The following ARHGAP28 variants were observed in gnomAD, a reference collection of about 807,000 sequenced individuals.
The protein encoded by ARHGAP28 is rho GTPase-activating protein 28.
A neutral mutation model predicts 90.7 loss-of-function variants in ARHGAP28; 56 were observed. The ratio of observed to expected loss-of-function variants is 0.62; its 90% CI spans 0.50 to 0.77. The LOEUF (loss-of-function observed/expected upper bound fraction) is 0.77. Ranked by LOEUF, ARHGAP28 falls within the 30% of genes least tolerant of loss-of-function variation. The probability of loss-of-function intolerance (pLI) is 0.00; values close to 1 mark genes in which losing one functional copy is unlikely to be tolerated. For synonymous variants in ARHGAP28, 308 were observed against 323.3 expected (o/e 0.95, Z 0.51); for missense variants, 869 against 900.9 (o/e 0.96, Z 0.45).
rs192916059 is a variant in ARHGAP28 at position 6,761,143 on chromosome 18, A to G, written c.122+31200A>G. On this transcript the variant is annotated intron_variant, in intron 1 of 17. Transcript: ENST00000383472. ...TGGGGGTATCAGAAGTAAGGTTAGT[A>G]GCATCTTAGAGATGGGGGTGGGGGT... is the stretch of plus-strand genomic sequence containing the variant. Among the ~76,000 whole-genome samples the G allele has an allele frequency of 2.9e-3, 434 of 151,642 alleles. 2 individuals carry two copies. Among genetic ancestry groups the G allele is most frequent in the African/African-American group, 1.0e-2 (413 of 41,314 alleles).
At chr18:6,911,364 G>A (rs1259266557) in intron 17 of ARHGAP28, among the ~76,000 whole-genome samples, 2 of 151,538 alleles carry the variant, frequency 1.3e-5, no homozygotes, top group African/African-American at 4.9e-5. Context: ...AACCACTGGA[G>A]GACATGTATT....
At chr18:6,896,464 A>T (rs2057305295) in intron 15 of ARHGAP28, 38 bp from the exon 16 acceptor site, 1 of 1,609,470 alleles carries the variant, frequency 6.2e-7, no homozygotes, top group South Asian at 1.1e-5. Flanking sequence ...TATTCATCCT[A>T]GTTTGACAGA....
chr18:6,812,598 A>G (rs897532444), intron 1 of ARHGAP28, among the ~76,000 whole-genome samples: 1 of 149,570 alleles, frequency 6.7e-6, no homozygotes, highest in African/African-American at 2.6e-5. Flanking sequence ...CTCCATCCCC[A>G]TGGCATCAGC....
chr18:6,876,005 C>T, intron 9 of ARHGAP28, 126 bp from the exon 10 acceptor site: 1 of 733,914 alleles, frequency 1.4e-6, no homozygotes, highest in Non-Finnish European at 2.3e-6. Context: ...TTTAACACAG[C>T]ATTCAAGTGC....
At chr18:6,883,388 GCCA>G (rs1567981918) in intron 11 of ARHGAP28, among the ~76,000 whole-genome samples, 2 of 151,940 alleles carry the variant, frequency 1.3e-5, no homozygotes, top group African/African-American at 4.8e-5. Context: ...ACAGGTGTGC[GCCA>G]CCACACCTGT....
chr18:6,753,462 G>A lies in ARHGAP28; in HGVS notation c.122+23519G>A, dbSNP rs549664492. 2.0e-5 allele frequency among the ~76,000 whole-genome samples: 3 copies of A among 152,250 alleles called. 1 individual carries two copies. The South Asian group carries it at 6.2e-4, about 32-fold the overall frequency. ...CTTTGTCTGCTATCTGTGTGTGTGT[G>A]ATTCACAGAGTTAATGCAATCTTAT... On this transcript the variant is annotated intron_variant, in intron 1 of 17. Coordinates refer to ENST00000383472, the MANE Select transcript of ARHGAP28 (RefSeq NM_001366230.1).
rs550499541 is a variant in ARHGAP28 at position 6,731,364 on chromosome 18, G to T, written c.122+1421G>T. On this transcript the variant is annotated intron_variant, in intron 1 of 17. Transcript: ENST00000383472. The stretch of plus-strand genomic sequence containing the variant: ...TGTCCATTTCTTAAACGGTTCTAGT[G>T]TAGCTGTCCTGTCTATAATTCCCAG... 8.7e-4 allele frequency among the ~76,000 whole-genome samples: 133 copies of T among 152,148 alleles called. 1 individual carries two copies. Among genetic ancestry groups the T allele is most frequent in the Non-Finnish European group, 5.1e-4 (35 of 67,996 alleles).
chr18:6,780,775 C>G (rs2056317913), intron 1 of ARHGAP28, among the ~76,000 whole-genome samples: 1 of 151,838 alleles, frequency 6.6e-6, no homozygotes, highest in Admixed American at 6.6e-5. Context: ...GCCTGTAATG[C>G]CAGCTACTCA....
intron 1 of ARHGAP28, chr18:6,789,101 G>C (rs967400019): frequency 6.6e-6 from 1 of 152,198 alleles, no homozygotes; most frequent in African/African-American, 2.4e-5. Context: ...TTCATGACTT[G>C]TACCAGTGAA....
chr18:6,864,985 C>T (rs567893568), intron 5 of ARHGAP28, among the ~76,000 whole-genome samples: 17 of 152,292 alleles, frequency 1.1e-4, no homozygotes, highest in Non-Finnish European at 2.4e-4. Flanking sequence ...CATTCCTATG[C>T]ATGCCTAATC....
intron 1 of ARHGAP28, among the ~76,000 whole-genome samples, chr18:6,741,650 A>G (rs1024448307): frequency 6.6e-6 from 1 of 152,164 alleles, no homozygotes; most frequent in Non-Finnish European, 1.5e-5. Context: ...AATAGCACCA[A>G]TTCTCTTTAG....
rs1359213943 is a variant in ARHGAP28, at chr18:6,912,190, G to A, written c.*36G>A. The A allele has an allele frequency of 2.4e-6, 3 of 1,250,910 alleles. No homozygotes were observed. The allele number at this position is 1,250,910 out of a possible 1,614,324, so 77.5% of individuals were successfully genotyped here. On this transcript the variant is annotated 3_prime_UTR_variant, in exon 18 of 18. Coordinates refer to ENST00000383472, the MANE Select transcript of ARHGAP28 (RefSeq NM_001366230.1). ...AGAGAGCTGCTATCATGTATTATAT[G>A]CCAAAAAGATCCTACATTTTGGTAG...
At chr18:6,738,252 T>C (rs1475497332) in intron 1 of ARHGAP28, among the ~76,000 whole-genome samples, 1 of 152,172 alleles carries the variant, frequency 6.6e-6, no homozygotes, top group Non-Finnish European at 1.5e-5. Flanking sequence ...TCTTTGTATC[T>C]TTGTTAAACT....
At chr18:6,815,806 T>A (rs2056586421) in intron 1 of ARHGAP28, among the ~76,000 whole-genome samples, 1 of 152,174 alleles carries the variant, frequency 6.6e-6, no homozygotes, top group African/African-American at 2.4e-5. Context: ...TGGTTTGAAG[T>A]TGTTCATTCT....
At chr18:6,848,608 T>C (rs2056884362) in intron 3 of ARHGAP28, among the ~76,000 whole-genome samples, 1 of 152,154 alleles carries the variant, frequency 6.6e-6, no homozygotes, top group South Asian at 2.1e-4. Flanking sequence ...GGCCTTTGAG[T>C]GGAATGTTTA....
intron 4 of ARHGAP28, among the ~76,000 whole-genome samples, chr18:6,851,879 G>A (rs910008368): frequency 6.6e-6 from 1 of 152,084 alleles, no homozygotes; most frequent in Non-Finnish European, 1.5e-5. Flanking sequence ...TGGCTCCTGG[G>A]GACAGGAGGG....
At chr18:6,910,116 T>C (rs2057388083) in intron 17 of ARHGAP28, among the ~76,000 whole-genome samples, 1 of 152,172 alleles carries the variant, frequency 6.6e-6, no homozygotes, top group South Asian at 2.1e-4. Flanking sequence ...AATCACCCTC[T>C]TGTCATGGTC....
chr18:6,777,487 C>T (rs2056293338), intron 1 of ARHGAP28, among the ~76,000 whole-genome samples: 1 of 152,068 alleles, frequency 6.6e-6, no homozygotes. Context: ...CTTTGGAGGG[C>T]AGAGGTGGGA....
chr18:6,747,071 C>CTTTTTTTTTTTTTTT (rs5822923), intron 1 of ARHGAP28, among the ~76,000 whole-genome samples: 1 of 138,700 alleles, frequency 7.2e-6, no homozygotes, highest in Non-Finnish European at 1.6e-5. Flanking sequence ...CATTTATTTT[C>CTTTTTTTTTTTTTTT]TTTTTTTTTT....
Sources: allele counts gnomAD v4.1 joint callset (sites outside exome capture counted in the v4.1 genomes callset), GRCh38; gene constraint gnomAD v4.1.1; transcripts MANE v1.5; gene names NCBI Gene and HGNC (gene_info 2026-07-23, HGNC 2026-07-21).